TBC1D1: variants seen among roughly 807,000 people sequenced by gnomAD.
The protein encoded by TBC1D1 is TBC1 (tre-2/USP6, BUB2, cdc16) domain family, member 1.
TBC1D1 carries 89 observed loss-of-function variants against 125.6 expected under a neutral mutation model. The observed-to-expected ratio is 0.71, with a 90% CI of 0.60 to 0.85. The LOEUF is 0.85. Ranked by LOEUF, TBC1D1 falls within the 40% of genes least tolerant of loss-of-function variation. The probability of loss-of-function intolerance (pLI) is 0.00; values close to 1 mark genes in which losing one functional copy is unlikely to be tolerated. For synonymous variants in TBC1D1, 565 were observed against 564.1 expected (o/e 1.00, Z -0.02); for missense variants, 1,377 against 1,469.2 (o/e 0.94, Z 1.03).
At chr4:37,954,889 C>CTTTTTTTTT (rs10691932) in intron 2 of TBC1D1, among the ~76,000 whole-genome samples, 2 of 109,448 alleles carry the variant, frequency 1.8e-5, no homozygotes, top group South Asian at 3.1e-4. Context: ...TTGAAACAGT[C>CTTTTTTTTT]TTTTTTTTTT....
chr4:38,070,862 A>C (rs1391664858), intron 12 of TBC1D1, among the ~76,000 whole-genome samples: 1 of 152,230 alleles, frequency 6.6e-6, no homozygotes, highest in African/African-American at 2.4e-5. Flanking sequence ...TAGTCTTTCT[A>C]GAAAACCTCA....
intron 15 of TBC1D1, among the ~76,000 whole-genome samples, chr4:38,114,961 A>C (rs760625413): frequency 6.6e-6 from 1 of 152,184 alleles, no homozygotes; most frequent in Non-Finnish European, 1.5e-5. Flanking sequence ...TGCTTGTAGT[A>C]AGGCGAGGCC....
At chr4:38,134,402 T>C (rs1463359273) in intron 19 of TBC1D1, among the ~76,000 whole-genome samples, 1 of 46,526 alleles carries the variant, frequency 2.1e-5, no homozygotes, top group East Asian at 5.5e-4. Context: ...ATTTAACTTC[T>C]TTTTTTCCCC....
chr4:37,938,280 G>C lies in TBC1D1; in HGVS notation c.417+35768G>C, dbSNP rs536732706. On this transcript the variant is annotated intron_variant, in intron 2 of 19. Transcript: ENST00000261439. ...AAGTTATCTGAAATAATATTTTTCT[G>C]GGATTTTAAAGAAATAAGGTTCTAG... Among the ~76,000 whole-genome samples, 5 of 152,228 alleles carry C rather than the reference G, an allele frequency of 3.3e-5. No individual in the cohort carries two copies. In the South Asian group the frequency reaches 1.0e-3, roughly 32 times the overall value.
intron 19 of TBC1D1, among the ~76,000 whole-genome samples, chr4:38,135,924 ATGTGTGTGTGTG>A (rs57275262): frequency 4.8e-5 from 7 of 145,090 alleles, no homozygotes; most frequent in African/African-American, 7.6e-5. Flanking sequence ...GTGTGTGTAT[ATGTGTGTGTGTG>A]TGTGTGTGTG....
intron 2 of TBC1D1, among the ~76,000 whole-genome samples, chr4:37,972,634 A>C (rs1468228564): frequency 1.3e-5 from 2 of 150,850 alleles, no homozygotes; most frequent in African/African-American, 4.9e-5. Flanking sequence ...GGCCAGGCGC[A>C]GTGGCTCATG....
intron 18 of TBC1D1, among the ~76,000 whole-genome samples, chr4:38,130,926 A>G (rs1255622767): frequency 6.6e-6 from 1 of 152,202 alleles, no homozygotes; most frequent in Non-Finnish European, 1.5e-5. Context: ...TAAGTGTGCA[A>G]GGACAGGCGC....
chr4:37,969,703 T>G (rs1369061984), intron 2 of TBC1D1, among the ~76,000 whole-genome samples: 1 of 152,226 alleles, frequency 6.6e-6, no homozygotes, highest in Non-Finnish European at 1.5e-5. Flanking sequence ...TGACTTAACT[T>G]ACCTAAAGTC....
Position 38,014,943 on chromosome 4 carries a change from T to C in TBC1D1, c.852T>C (p.Asp284=). 6.4e-7 allele frequency: 1 copy of C among 1,555,678 alleles called. No homozygotes were observed. Among genetic ancestry groups the C allele is most frequent in the Non-Finnish European group, 8.7e-7 (1 of 1,147,326 alleles). ...GACACAATATTGTGCAGCCCACAGA[T>C]ATCGAGGAAAATCGAACTATGCTCT... Residue 284 remains aspartate (D), a synonymous_variant, in exon 3 of 20, where the codon GAT becomes GAC. Transcript: ENST00000261439. The surrounding 1 kb of genome is among the most constrained non-coding windows in gnomAD (Gnocchi z 5.1).
chr4:38,049,920 T>C (rs940511526), intron 11 of TBC1D1, 22 bp downstream of exon 11: 38 of 1,597,454 alleles, frequency 2.4e-5, no homozygotes, highest in Non-Finnish European at 3.0e-5. Context: ...TTAAATTTGT[T>C]GCATAAATAG....
At chr4:38,043,135 C>T (rs1016231539) in intron 8 of TBC1D1, among the ~76,000 whole-genome samples, 4 of 152,176 alleles carry the variant, frequency 2.6e-5, no homozygotes, top group Middle Eastern at 3.4e-3. Flanking sequence ...CTCCCGACCT[C>T]AGGTGGTCCA....
intron 15 of TBC1D1, among the ~76,000 whole-genome samples, chr4:38,112,416 G>C (rs985090637): frequency 6.6e-6 from 1 of 152,124 alleles, no homozygotes; most frequent in Admixed American, 6.6e-5. Context: ...TTGTCCTCTT[G>C]TTTGGAAACT....
At chr4:38,000,357 C>T (rs1340676280) in intron 2 of TBC1D1, among the ~76,000 whole-genome samples, 2 of 152,176 alleles carry the variant, frequency 1.3e-5, no homozygotes, top group African/African-American at 4.8e-5. Context: ...AGTAGCATTA[C>T]AGATGGAGTA....
In TBC1D1 at chr4:37,961,786, A is replaced by C. The variant is rs960638466; in HGVS notation, c.418-52723A>C. 2.6e-5 allele frequency among the ~76,000 whole-genome samples: 4 copies of C among 152,354 alleles called. No individual in the cohort carries two copies. The South Asian group carries it at 8.3e-4, about 32-fold the overall frequency. The stretch of plus-strand genomic sequence containing the variant: ...AAAAGCCAACTAGATGTGGCTATTT[A>C]AGAACCATCAAAGGCCATGACAGGC... On this transcript the variant is annotated intron_variant, in intron 2 of 19. Coordinates refer to ENST00000261439, the MANE Select transcript of TBC1D1 (RefSeq NM_015173.4).
At chr4:38,099,871 C>G (rs988611825) in intron 14 of TBC1D1, among the ~76,000 whole-genome samples, 1 of 152,190 alleles carries the variant, frequency 6.6e-6, no homozygotes, top group Non-Finnish European at 1.5e-5. Context: ...CTGAATACCA[C>G]AATATCTGGT....
chr4:38,067,400 G>A (rs1753926456), intron 12 of TBC1D1, among the ~76,000 whole-genome samples: 1 of 152,214 alleles, frequency 6.6e-6, no homozygotes. Context: ...CACAGCTGGT[G>A]TGGTTTTTAG....
chr4:38,052,090 TTGTC>T, intron 11 of TBC1D1, 30 bp downstream of exon 12: 1 of 1,549,714 alleles, frequency 6.5e-7, no homozygotes, highest in East Asian at 2.4e-5. Context: ...AAGTTTGGTG[TTGTC>T]TGTTTTCCTG....
chr4:37,988,555 G>A (rs184521925), intron 2 of TBC1D1, among the ~76,000 whole-genome samples: 1 of 152,280 alleles, frequency 6.6e-6, no homozygotes, highest in Admixed American at 6.5e-5. Context: ...CTTAGTACTC[G>A]TGAACCATCA....
intron 18 of TBC1D1, 147 bp downstream of exon 20, chr4:38,125,278 A>G: frequency 1.4e-6 from 1 of 703,204 alleles, no homozygotes; most frequent in East Asian, 2.7e-5. Flanking sequence ...GCATATCACA[A>G]ACGTGTGGAA....
Sources: allele counts gnomAD v4.1 joint callset (sites outside exome capture counted in the v4.1 genomes callset), GRCh38; gene constraint gnomAD v4.1.1; non-coding constraint Gnocchi (gnomAD v3.1); transcripts MANE v1.5; gene names NCBI Gene and HGNC (gene_info 2026-07-23, HGNC 2026-07-21).